Variants in BNC2 observed in about 807,000 individuals in gnomAD.
The protein encoded by BNC2 is basonuclin zinc finger protein 2.
A neutral mutation model predicts 76.3 loss-of-function variants in BNC2; 20 were observed. The observed-to-expected ratio is 0.26, with a 90% CI of 0.18 to 0.38. The LOEUF (loss-of-function observed/expected upper bound fraction) is 0.38. Ranked by LOEUF, BNC2 falls within the 10% of genes least tolerant of loss-of-function variation. The probability of loss-of-function intolerance (pLI) is 1.00; values close to 1 mark genes in which losing one functional copy is unlikely to be tolerated. For missense variants in BNC2, 1,382 were observed against 1,399.8 expected, an observed-to-expected ratio of 0.99 and a Z score of 0.20; for synonymous variants, 582 against 514.8, an observed-to-expected ratio of 1.13 and a Z score of -1.77.
At position 16,436,707 on chromosome 9, in the gene BNC2, C is replaced by T; in HGVS notation, c.1487G>A (p.Arg496His). ...ATTCCTTAGCATAGGCATGTGAAGG[C>T]GAGGATTGGGGTTTGCACTGTGGCG... ...RNRHSANPNP[R>H]LHMPMLRNNR... The change falls in exon 6 of 7, where the codon CGC (arginine) becomes CAC (histidine). Residue 496 changes from arginine to histidine, a missense_variant. This residue lies in a region of BNC2 where 27 missense variants were observed against 83.4 expected (regional missense o/e 0.32). Transcript: ENST00000380672. 6 of 1,613,994 alleles carry T rather than the reference C, an allele frequency of 3.7e-6. No homozygotes were observed. The highest frequency in any genetic ancestry group is 1.3e-5 in the African/African-American group (1 of 74,990).
intron 2 of BNC2, among the ~76,000 whole-genome samples, chr9:16,737,799 C>G (rs547824979): frequency 2.6e-5 from 4 of 152,190 alleles, no homozygotes; most frequent in East Asian, 1.9e-4. Context: ...CTTAGAAGAT[C>G]TGCATAGTGA....
chr9:16,455,131 C>T (rs1410071869), intron 5 of BNC2, among the ~76,000 whole-genome samples: 1 of 152,152 alleles, frequency 6.6e-6, no homozygotes, highest in African/African-American at 2.4e-5. Flanking sequence ...AGGCAATTTC[C>T]AATTGTGGGC....
chr9:16,434,200 T>C (rs1268426742), intron 6 of BNC2, among the ~76,000 whole-genome samples: 1 of 152,208 alleles, frequency 6.6e-6, no homozygotes, highest in Non-Finnish European at 1.5e-5. Context: ...TTTCAAAGAT[T>C]GGCCCCCTTT....
intron 3 of BNC2, among the ~76,000 whole-genome samples, chr9:16,601,927 T>C (rs1820255101): frequency 6.6e-6 from 1 of 152,142 alleles, no homozygotes; most frequent in African/African-American, 2.4e-5. Flanking sequence ...GCACAACCCC[T>C]CCAATATAAT....
chr9:16,622,226 T>C (rs1231107343), intron 3 of BNC2, among the ~76,000 whole-genome samples: 1 of 152,208 alleles, frequency 6.6e-6, no homozygotes, highest in African/African-American at 2.4e-5. Flanking sequence ...TTCATTTTCA[T>C]CTGCGCCCAC....
intron 1 of BNC2, among the ~76,000 whole-genome samples, chr9:16,740,107 TGA>T (rs1268172605): frequency 6.6e-6 from 1 of 152,214 alleles, no homozygotes; most frequent in East Asian, 1.9e-4. Context: ...AGGAGCATCG[TGA>T]TTGTCCAACG....
At chr9:16,869,636 A>G (rs1022012908) in intron 1 of BNC2, among the ~76,000 whole-genome samples, 2 of 152,140 alleles carry the variant, frequency 1.3e-5, no homozygotes, top group Admixed American at 1.3e-4. Context: ...CGCTGGGAGG[A>G]AGCAAACTAA....
At chr9:16,734,353 T>C (rs540064248) in intron 2 of BNC2, among the ~76,000 whole-genome samples, 1 of 152,342 alleles carries the variant, frequency 6.6e-6, no homozygotes, top group South Asian at 2.1e-4. Context: ...AGCTTATAGA[T>C]GAACAAATTC....
rs1443455127 is a variant in BNC2 at position 16,436,451 on chromosome 9, T to G, written c.1743A>C (p.Glu581Asp). 1 of 1,614,050 alleles carries G rather than the reference T, an allele frequency of 6.2e-7. No homozygotes were observed. Among genetic ancestry groups the G allele is most frequent in the South Asian group, 1.1e-5 (1 of 91,068 alleles). ...PFYRSLLTPG[E>D]MVSPPTSLPT... ...GGAGGGAGGTTGGAGGACTCACCAT[T>G]TCCCCTGGAGTGAGTAAACTTCTAT... Residue 581 changes from glutamate to aspartate, a missense_variant, in exon 6 of 7, where the codon GAA (glutamate) becomes GAC (aspartate). Glu to Asp is a conservative substitution (Grantham distance 45). This residue lies in a region of BNC2 where 798 missense variants were observed against 775.5 expected (regional missense o/e 1.03). Coordinates refer to ENST00000380672, the MANE Select transcript of BNC2 (RefSeq NM_017637.6).
At chr9:16,622,583 T>C (rs1820893800) in intron 3 of BNC2, among the ~76,000 whole-genome samples, 1 of 152,186 alleles carries the variant, frequency 6.6e-6, no homozygotes, top group Non-Finnish European at 1.5e-5. Flanking sequence ...TCCAAGAAAG[T>C]GTATCTGAAA....
At chr9:16,870,159 C>A (rs1191901537) in intron 1 of BNC2, among the ~76,000 whole-genome samples, 1 of 150,518 alleles carries the variant, frequency 6.6e-6, no homozygotes, top group African/African-American at 2.4e-5. Flanking sequence ...CCCCAGCGCA[C>A]CCGGCACCCA....
At chr9:16,755,268 A>T (rs1825347397) in intron 1 of BNC2, among the ~76,000 whole-genome samples, 1 of 152,158 alleles carries the variant, frequency 6.6e-6, no homozygotes, top group Non-Finnish European at 1.5e-5. Flanking sequence ...GGTGCAGGAA[A>T]ACAGTCCACA....
intron 3 of BNC2, among the ~76,000 whole-genome samples, chr9:16,589,650 A>G (rs1306622639): frequency 6.6e-6 from 1 of 151,822 alleles, no homozygotes; most frequent in Non-Finnish European, 1.5e-5. Flanking sequence ...CTGGGATTAC[A>G]TGCACGCACC....
intron 3 of BNC2, among the ~76,000 whole-genome samples, chr9:16,616,942 T>G (rs1334040531): frequency 1.3e-5 from 2 of 152,192 alleles, no homozygotes; most frequent in Non-Finnish European, 2.9e-5. Context: ...CCACCACTTG[T>G]GCAAGTATTA....
At chr9:16,522,765 T>C (rs1304760377) in intron 5 of BNC2, among the ~76,000 whole-genome samples, 1 of 152,118 alleles carries the variant, frequency 6.6e-6, no homozygotes, top group Non-Finnish European at 1.5e-5. Context: ...AGCTATTTTT[T>C]CCCCCTTCTC....
chr9:16,594,481 G>C (rs563296208), intron 3 of BNC2, among the ~76,000 whole-genome samples: 24 of 152,216 alleles, frequency 1.6e-4, no homozygotes, highest in African/African-American at 5.5e-4. Flanking sequence ...TCCTAAGCAA[G>C]AGCATAGGTA....
chr9:16,604,757 C>T lies in BNC2; in HGVS notation c.331-21672G>A, dbSNP rs142700826. Among the ~76,000 whole-genome samples, 108 of 152,084 alleles carry T rather than the reference C, an allele frequency of 7.1e-4. 3 individuals carry two copies. In the East Asian group the frequency reaches 0.019, roughly 27 times the overall value. On this transcript the variant is annotated intron_variant, in intron 3 of 6. Transcript: ENST00000380672. ...AGATGAGGTTGCAGTGAGCCGAGAT[C>T]GCGTCACTACACTCCAGCCTGGGCA...
intron 5 of BNC2, among the ~76,000 whole-genome samples, chr9:16,481,544 G>C (rs1002728749): frequency 5.9e-5 from 9 of 152,274 alleles, no homozygotes; most frequent in Non-Finnish European, 1.3e-4. Flanking sequence ...CTTAAGAGCT[G>C]TAACATTCAC....
intron 3 of BNC2, among the ~76,000 whole-genome samples, chr9:16,593,697 GC>G (rs1563854506): frequency 6.6e-6 from 1 of 151,778 alleles, no homozygotes. Flanking sequence ...TCCATTTATT[GC>G]CTGTATACTT....
Sources: allele counts gnomAD v4.1 joint callset (sites outside exome capture counted in the v4.1 genomes callset), GRCh38; gene constraint gnomAD v4.1.1; regional missense constraint gnomAD v4.1.1; transcripts MANE v1.5; gene names NCBI Gene and HGNC (gene_info 2026-07-23, HGNC 2026-07-21).